The following PCLO variants were observed in gnomAD, a reference collection of about 807,000 sequenced individuals.
PCLO encodes the protein protein piccolo.
Under a neutral mutation model 427.5 loss-of-function variants are expected in PCLO, and 82 were observed. The observed-to-expected ratio is 0.19, with a 90% CI of 0.16 to 0.23. PCLO has a LOEUF of 0.23. PCLO is among the 10% of genes least tolerant of loss of function. The pLI is 1.00. For missense variants in PCLO, 6,239 were observed against 6,115.9 expected, an observed-to-expected ratio of 1.02 and a Z score of -0.67; for synonymous variants, 2,357 against 2,155.4, an observed-to-expected ratio of 1.09 and a Z score of -2.59.
At chr7:82,963,816 A>G (rs1795706155) in intron 4 of PCLO, among the ~76,000 whole-genome samples, 1 of 152,086 alleles carries the variant, frequency 6.6e-6, no homozygotes, top group Non-Finnish European at 1.5e-5. Context: ...TGAATGTTTT[A>G]TAAGGTAAAT....
At chr7:82,917,102 TA>T (rs1464021935) in intron 6 of PCLO, among the ~76,000 whole-genome samples, 1 of 152,118 alleles carries the variant, frequency 6.6e-6, no homozygotes, top group Non-Finnish European at 1.5e-5. Flanking sequence ...TTAGCAGTTA[TA>T]AAAACTTATT....
intron 3 of PCLO, among the ~76,000 whole-genome samples, chr7:83,098,369 T>C (rs1790648099): frequency 6.6e-6 from 1 of 152,116 alleles, no homozygotes; most frequent in Admixed American, 6.5e-5. Context: ...AATGATCAAG[T>C]AACAAAAATA....
rs1221612136 is a variant in PCLO at position 83,162,839 on chromosome 7, C to T, written c.-247G>A. 1 of 535,464 alleles carries T rather than the reference C, an allele frequency of 1.9e-6. No homozygotes were observed. The highest frequency in any genetic ancestry group is 3.8e-5 in the Admixed American group (1 of 26,466). 33.2% of individuals were successfully genotyped at this position (535,464 alleles called of 1,614,324 possible). On this transcript the variant is annotated 5_prime_UTR_variant, in exon 1 of 25. Coordinates refer to ENST00000333891, the MANE Select transcript of PCLO (RefSeq NM_033026.6). ...GCCAGGCAACCTTTGCAGAAGACACCTCCCGGACGCCGCCTCGGCGCCCCG... is the reference window on the plus strand; with the variant it reads ...GCCAGGCAACCTTTGCAGAAGACACTTCCCGGACGCCGCCTCGGCGCCCCG...
At chr7:82,809,601 G>GTAATAGTAA (rs113127326) in intron 20 of PCLO, among the ~76,000 whole-genome samples, 2 of 149,214 alleles carry the variant, frequency 1.3e-5, no homozygotes, top group African/African-American at 4.9e-5. Context: ...TAATGAATAA[G>GTAATAGTAA]TAATAATAAT....
intron 16 of PCLO, among the ~76,000 whole-genome samples, chr7:82,829,468 A>T (rs1355183825): frequency 2.0e-5 from 3 of 152,166 alleles, no homozygotes; most frequent in Non-Finnish European, 4.4e-5. Flanking sequence ...CAAGTCAGCC[A>T]TTGTGAGCTG....
intron 3 of PCLO, among the ~76,000 whole-genome samples, chr7:83,005,202 C>T (rs997398328): frequency 4.6e-5 from 7 of 151,558 alleles, no homozygotes; most frequent in Non-Finnish European, 7.4e-5. Context: ...AATATCTGTA[C>T]TCCCATTATA....
intron 6 of PCLO, among the ~76,000 whole-genome samples, chr7:82,941,597 G>C (rs1795087571): frequency 2.6e-5 from 4 of 151,958 alleles, no homozygotes; most frequent in Admixed American, 2.6e-4. Flanking sequence ...CCAAGCAACT[G>C]CATGTGAAAA....
chr7:82,894,150 CAAAAT>C (rs1362035879), intron 9 of PCLO, among the ~76,000 whole-genome samples: 13 of 151,770 alleles, frequency 8.6e-5, no homozygotes, highest in Non-Finnish European at 1.9e-4. Context: ...AAATAGATTA[CAAAAT>C]AAAATAAATA....
intron 7 of PCLO, among the ~76,000 whole-genome samples, chr7:82,909,752 T>C (rs1413650934): frequency 6.6e-6 from 1 of 152,262 alleles, no homozygotes; most frequent in African/African-American, 2.4e-5. Flanking sequence ...CGTAGTAGCC[T>C]AATATTAAAA....
chr7:82,870,260 G>A (rs1793200184), intron 10 of PCLO, among the ~76,000 whole-genome samples: 1 of 151,950 alleles, frequency 6.6e-6, no homozygotes, highest in South Asian at 2.1e-4. Flanking sequence ...TAATGGAACA[G>A]AATACAGAAC....
At chr7:82,968,517 C>CTTTTTTTTTTTTTTTTTT (rs11324005) in intron 3 of PCLO, among the ~76,000 whole-genome samples, 18 of 73,216 alleles carry the variant, frequency 2.5e-4, no homozygotes, top group African/African-American at 8.6e-4. Flanking sequence ...CAGAGTCTGA[C>CTTTTTTTTTTTTTTTTTT]TTTTTTTTTT....
At chr7:82,914,640 G>C in intron 7 of PCLO, 46 bp downstream of exon 7, 5 of 1,583,110 alleles carry the variant, frequency 3.2e-6, no homozygotes, top group Non-Finnish European at 4.3e-6. Flanking sequence ...AGAAAAATAA[G>C]AGTTTGAGTT....
intron 3 of PCLO, among the ~76,000 whole-genome samples, chr7:83,068,331 T>C (rs1446434220): frequency 6.6e-6 from 1 of 152,076 alleles, no homozygotes; most frequent in Admixed American, 6.6e-5. Flanking sequence ...CTTTAATAAT[T>C]ACAAGCTTAT....
intron 10 of PCLO, among the ~76,000 whole-genome samples, chr7:82,850,065 G>A (rs944402145): frequency 5.3e-5 from 8 of 152,110 alleles, no homozygotes; most frequent in African/African-American, 1.9e-4. Context: ...CTAGAGTGCA[G>A]TGGCACAATC....
At chr7:82,887,615 ATCTG>A (rs1194823422) in intron 9 of PCLO, among the ~76,000 whole-genome samples, 1 of 152,170 alleles carries the variant, frequency 6.6e-6, no homozygotes, top group East Asian at 1.9e-4. Context: ...TAACCAAGCA[ATCTG>A]TCAGGAGAAA....
rs976946034 is a variant in PCLO at position 82,820,679 on chromosome 7, C to T, written c.14791+1816G>A. On this transcript the variant is annotated intron_variant, in intron 20 of 24. Transcript: ENST00000333891. ...ACTTTCCTCTAAGAATTTTCAAAAT[C>T]CACTAAATTTTTAAAAGTTACACTT... 4.1e-6 allele frequency: 5 copies of T among 1,230,182 alleles called. No homozygotes were observed. The African/African-American group carries it at 7.8e-5, about 19-fold the overall frequency. The allele number at this position is 1,230,182 out of a possible 1,614,324, so 76.2% of individuals were successfully genotyped here. A position where few individuals can be genotyped will look rare whatever the true frequency, so the allele number is the denominator to read the frequency against.
At chr7:82,925,450 T>C (rs1794690390) in intron 6 of PCLO, among the ~76,000 whole-genome samples, 1 of 152,116 alleles carries the variant, frequency 6.6e-6, no homozygotes, top group Non-Finnish European at 1.5e-5. Context: ...AGTTTCACTC[T>C]ATGAAATGTC....
chr7:82,951,742 AAGAAAG>A, intron 5 of PCLO, 108 bp downstream of exon 5: 1 of 1,422,750 alleles, frequency 7.0e-7, no homozygotes. Context: ...ATAACATCCA[AAGAAAG>A]AGAAAAAGTA....
chr7:83,025,251 G>C (rs555418955), intron 3 of PCLO, among the ~76,000 whole-genome samples: 1 of 152,064 alleles, frequency 6.6e-6, no homozygotes, highest in Non-Finnish European at 1.5e-5. Context: ...ATACAGAGAA[G>C]TGCTTAAAGG....
Sources: allele counts gnomAD v4.1 joint callset (sites outside exome capture counted in the v4.1 genomes callset), GRCh38; gene constraint gnomAD v4.1.1; transcripts MANE v1.5; gene names NCBI Gene and HGNC (gene_info 2026-07-23, HGNC 2026-07-21).